LHFPL2: variants seen among roughly 807,000 people sequenced by gnomAD.
LHFPL2 encodes the protein LHFPL tetraspan subfamily member 2.
LHFPL2 carries 7 observed loss-of-function variants against 17.5 expected under a neutral mutation model. That is an observed-to-expected ratio of 0.40 (90% CI 0.23 to 0.75). LHFPL2 has a LOEUF of 0.75. Among genes scored for constraint, LHFPL2 ranks in the 30% least tolerant of loss-of-function variants. The pLI, the probability that LHFPL2 is intolerant of heterozygous loss-of-function variation, is 0.37. For synonymous variants in LHFPL2, 134 were observed against 116.2 expected, an observed-to-expected ratio of 1.15 and a Z score of -0.99; for missense variants, 241 against 294.8, an observed-to-expected ratio of 0.82 and a Z score of 1.34.
chr5:78,510,548 G>A, intron 3 of LHFPL2, 150 bp from the exon 4 acceptor site: 1 of 329,288 alleles, frequency 3.0e-6, no homozygotes, highest in Non-Finnish European at 5.6e-6. Context: ...TGTTGCACTG[G>A]CTGCGTTTGT....
At chr5:78,635,204 A>C (rs1281061226) in intron 1 of LHFPL2, among the ~76,000 whole-genome samples, 1 of 152,278 alleles carries the variant, frequency 6.6e-6, no homozygotes, top group Non-Finnish European at 1.5e-5. Context: ...AGAATGCCCA[A>C]GTTCAGTTTC....
chr5:78,641,176 G>A (rs559028912), intron 1 of LHFPL2, among the ~76,000 whole-genome samples: 6 of 152,312 alleles, frequency 3.9e-5, no homozygotes, highest in Admixed American at 1.3e-4. Context: ...GGGAATCTGT[G>A]TGCTTTTAGG....
At chr5:78,518,288 G>A (rs757097935) in intron 3 of LHFPL2, among the ~76,000 whole-genome samples, 10 of 152,178 alleles carry the variant, frequency 6.6e-5, no homozygotes, top group Non-Finnish European at 1.0e-4. Flanking sequence ...AAAGTAACAG[G>A]CTGGGTACAG....
intron 3 of LHFPL2, among the ~76,000 whole-genome samples, chr5:78,543,531 G>C (rs1756176562): frequency 6.6e-6 from 1 of 152,170 alleles, no homozygotes; most frequent in Non-Finnish European, 1.5e-5. Context: ...CTCTGAGAGA[G>C]TGCGGCACAG....
At chr5:78,617,634 A>C (rs1744667163) in intron 2 of LHFPL2, among the ~76,000 whole-genome samples, 1 of 152,104 alleles carries the variant, frequency 6.6e-6, no homozygotes, top group Non-Finnish European at 1.5e-5. Flanking sequence ...TGAAAGAATA[A>C]CTGCAAAGCT....
chr5:78,533,351 C>A (rs1447431713), intron 3 of LHFPL2, among the ~76,000 whole-genome samples: 12 of 152,148 alleles, frequency 7.9e-5, no homozygotes, highest in East Asian at 1.9e-4. Context: ...GTAATGCCAA[C>A]CATATGAACA....
At chr5:78,557,532 G>A (rs1389898404) in intron 3 of LHFPL2, among the ~76,000 whole-genome samples, 3 of 152,224 alleles carry the variant, frequency 2.0e-5, no homozygotes, top group African/African-American at 7.2e-5. Flanking sequence ...TGGCAAGGCA[G>A]CCAGAGGAGA....
chr5:78,583,585 T>C (rs563894891), intron 2 of LHFPL2, among the ~76,000 whole-genome samples: 21 of 151,872 alleles, frequency 1.4e-4, no homozygotes, highest in Middle Eastern at 3.4e-3. Context: ...GAAAATTCTT[T>C]TCTTTAAGAA....
At chr5:78,510,782 G>A (rs1755095419) in intron 3 of LHFPL2, among the ~76,000 whole-genome samples, 1 of 152,210 alleles carries the variant, frequency 6.6e-6, no homozygotes, top group South Asian at 2.1e-4. Flanking sequence ...GGCAAGACTG[G>A]CAATCAACTC....
chr5:78,492,058 C>T (rs1164975189), intron 4 of LHFPL2, among the ~76,000 whole-genome samples: 1 of 152,196 alleles, frequency 6.6e-6, no homozygotes, highest in Non-Finnish European at 1.5e-5. Flanking sequence ...CCCTATGAAG[C>T]CTCCCCACAA....
chr5:78,489,270 G>T, intron 4 of LHFPL2, 117 bp from the exon 5 acceptor site: 2 of 1,131,042 alleles, frequency 1.8e-6, no homozygotes, highest in South Asian at 1.5e-5. Flanking sequence ...TTCTGCAATA[G>T]AAAGTGTTGG....
intron 2 of LHFPL2, among the ~76,000 whole-genome samples, chr5:78,574,392 T>C (rs1757076662): frequency 1.3e-5 from 2 of 152,202 alleles, no homozygotes; most frequent in South Asian, 2.1e-4. Flanking sequence ...ATGGCACACA[T>C]GTGAGAGCCA....
chr5:78,554,914 G>A (rs899402469), intron 3 of LHFPL2, among the ~76,000 whole-genome samples: 2 of 152,150 alleles, frequency 1.3e-5, no homozygotes, highest in African/African-American at 2.4e-5. Flanking sequence ...TACCCCTGGG[G>A]AAGGATATTT....
rs1178643795 is a variant in LHFPL2 at position 78,609,505 on chromosome 5, G to A, written c.-245+22759C>T. Among the ~76,000 whole-genome samples, 5 of 137,926 alleles carry A rather than the reference G, an allele frequency of 3.6e-5. 1 individual carries two copies. Among genetic ancestry groups the A allele is most frequent in the Admixed American group, 2.9e-4 (4 of 13,840 alleles). 90.5% of individuals were successfully genotyped at this position (137,926 alleles called of 152,430 possible). On this transcript the variant is annotated intron_variant, in intron 2 of 4. Transcript: ENST00000380345. ...AGAGAGCTTGCTTAAGTAAATTACAGCACATCTATACAATGGAATATTCTT... is the reference window on the plus strand; with the variant it reads ...AGAGAGCTTGCTTAAGTAAATTACAACACATCTATACAATGGAATATTCTT...
intron 3 of LHFPL2, among the ~76,000 whole-genome samples, chr5:78,513,936 G>A (rs1291035852): frequency 6.6e-6 from 1 of 152,202 alleles, no homozygotes. Flanking sequence ...TTCTCAGGGT[G>A]GCAGGACAAG....
At chr5:78,560,176 C>A (rs1487831931) in intron 3 of LHFPL2, among the ~76,000 whole-genome samples, 2 of 152,196 alleles carry the variant, frequency 1.3e-5, no homozygotes, top group Non-Finnish European at 2.9e-5. Context: ...ATCCTCAAAC[C>A]CAGACAAGTA....
rs148382916 is a variant in LHFPL2 at position 78,628,573 on chromosome 5, G to C, written c.-245+3691C>G. ...CACTCAGAGTATTGGCGTCAACTCA[G>C]CCAGAAAGGCAATGGCAAAAAGAAG... On this transcript the variant is annotated intron_variant, in intron 2 of 4. Transcript: ENST00000380345. Among the ~76,000 whole-genome samples the C allele has an allele frequency of 5.9e-3, 900 of 152,296 alleles. 7 individuals carry two copies. The highest frequency in any genetic ancestry group is 0.02 in the African/African-American group (843 of 41,562).
intron 3 of LHFPL2, among the ~76,000 whole-genome samples, chr5:78,539,896 T>C (rs1756058194): frequency 1.3e-5 from 2 of 152,152 alleles, no homozygotes; most frequent in Admixed American, 1.3e-4. Flanking sequence ...AATTCCATTC[T>C]GGCCACACAA....
chr5:78,527,391 A>G (rs970963643), intron 3 of LHFPL2, among the ~76,000 whole-genome samples: 1 of 145,648 alleles, frequency 6.9e-6, no homozygotes, highest in African/African-American at 2.5e-5. Context: ...TTTTTTCCAA[A>G]AGTTCAAATG....
Sources: gnomAD v4.1 joint callset for allele counts (sites outside exome capture counted in the v4.1 genomes callset) on GRCh38, gnomAD v4.1.1 for gene constraint, MANE v1.5 for transcripts, NCBI Gene and HGNC (gene_info 2026-07-23, HGNC 2026-07-21) for gene names.